The following FN1 variants were observed in gnomAD, a reference collection of about 807,000 sequenced individuals.
FN1 encodes the protein fibronectin 1.
In FN1, 106 loss-of-function variants were observed where a neutral mutation model predicts 297.3. That is an observed-to-expected ratio of 0.36 (90% CI 0.30 to 0.42). FN1 has a LOEUF of 0.42. Among genes scored for constraint, FN1 ranks in the 10% least tolerant of loss-of-function variants. The pLI is 1.00. For synonymous variants in FN1, 1,149 were observed against 1,152.6 expected, an observed-to-expected ratio of 1.00 and a Z score of 0.06; for missense variants, 2,690 against 3,124.9, an observed-to-expected ratio of 0.86 and a Z score of 3.32.
At chr2:215,422,488 C>T (rs968120061) in intron 9 of FN1, among the ~76,000 whole-genome samples, 2 of 152,026 alleles carry the variant, frequency 1.3e-5, no homozygotes, top group African/African-American at 4.8e-5. Context: ...GGATGTTAAA[C>T]TAAGATAATA....
In FN1 at chr2:215,381,095, A is replaced by G. The variant is rs1216575968; in HGVS notation, c.5165-15T>C. On this transcript the variant is annotated splice_polypyrimidine_tract_variant and intron_variant, in intron 32 of 45. Transcript: ENST00000354785. ...GCGATCAATGTCTGTTAGGCAAATT[A>G]ATGGTAAGAGGTTATGTGAAAAGCA... The G allele has an allele frequency of 6.2e-7, 1 of 1,613,716 alleles. No individual in the cohort carries two copies. Among genetic ancestry groups the G allele is most frequent in the African/African-American group, 1.3e-5 (1 of 75,060 alleles).
At chr2:215,378,625 T>C (rs927195202) in intron 34 of FN1, among the ~76,000 whole-genome samples, 1 of 152,216 alleles carries the variant, frequency 6.6e-6, no homozygotes, top group Non-Finnish European at 1.5e-5. Context: ...TTCCATTTTG[T>C]CTCTGAACCC....
At chr2:215,424,036 G>A (rs944648746) in intron 8 of FN1, 110 bp downstream of exon 8, 1 of 1,098,578 alleles carries the variant, frequency 9.1e-7, no homozygotes, top group Admixed American at 1.7e-5. Context: ...CTGAACAAAA[G>A]CGATGCTTCT....
Position 215,409,111 on chromosome 2 carries a change from T to C in FN1, c.2299+452A>G, listed in dbSNP as rs1056669604. On this transcript the variant is annotated intron_variant, in intron 15 of 45. Coordinates refer to ENST00000354785, the MANE Select transcript of FN1 (RefSeq NM_212482.4). ...TTCCTTGATCTGGGTGCTGGTCTTGTGGTGTGTTCACTTTATAAGAATTCA... is the reference window on the plus strand; with the variant it reads ...TTCCTTGATCTGGGTGCTGGTCTTGCGGTGTGTTCACTTTATAAGAATTCA... Among the ~76,000 whole-genome samples, 10 of 152,316 alleles carry C rather than the reference T, an allele frequency of 6.6e-5. No homozygotes were observed. The South Asian group carries it at 1.0e-3, about 16-fold the overall frequency.
chr2:215,381,122 GT>G, intron 32 of FN1, 42 bp from the exon 33 acceptor site: 1 of 1,604,142 alleles, frequency 6.2e-7, no homozygotes, highest in South Asian at 1.1e-5. Context: ...TGAAAAGCAA[GT>G]TGTGAAATAA....
At chr2:215,385,269 A>T (rs1410945497) in intron 28 of FN1, among the ~76,000 whole-genome samples, 9 of 115,884 alleles carry the variant, frequency 7.8e-5, no homozygotes, top group Non-Finnish European at 1.5e-4. Flanking sequence ...AAAAAAAAAA[A>T]AGTGATACAA....
chr2:215,409,945 G>A lies in FN1; in HGVS notation c.2111C>T (p.Thr704Ile), dbSNP rs2106302075. 1.2e-6 allele frequency: 2 copies of A among 1,613,828 alleles called. No homozygotes were observed. Among genetic ancestry groups the A allele is most frequent in the Non-Finnish European group, 1.7e-6 (2 of 1,179,996 alleles). Residue 704 changes from threonine to isoleucine, a missense_variant, in exon 14 of 46, where the codon ACA (threonine) becomes ATA (isoleucine). Transcript: ENST00000354785. Reference protein sequence around the residue: ...RFDFTTTSTSTPVTSNTVTGE... With the variant: ...RFDFTTTSTSIPVTSNTVTGE... ...GGTTGTGTACATACTGGTCACAGGTGTGCTGGTGCTGGTGGTGGTGAAGTC... is the reference window on the plus strand; with the variant it reads ...GGTTGTGTACATACTGGTCACAGGTATGCTGGTGCTGGTGGTGGTGAAGTC...
At chr2:215,419,506 ATGCAGTT>A in intron 11 of FN1, 121 bp from the exon 12 acceptor site, 1 of 841,424 alleles carries the variant, frequency 1.2e-6, no homozygotes, top group Non-Finnish European at 2.0e-6. Flanking sequence ...TTACAAATAT[ATGCAGTT>A]AAAAAAATAT....
chr2:215,381,654 A>C (rs2058230376), intron 32 of FN1: 1 of 205,782 alleles, frequency 4.9e-6, no homozygotes, highest in African/African-American at 2.4e-5. Context: ...TTGTATTTTT[A>C]GTAGAGATGG....
At chr2:215,421,543 AG>A in intron 10 of FN1, among the ~76,000 whole-genome samples, 1 of 152,232 alleles carries the variant, frequency 6.6e-6, no homozygotes. Context: ...TTAATAGCTC[AG>A]GGTTCTCCCG....
At position 215,423,345 on chromosome 2, in the gene FN1, C is replaced by T; in HGVS notation, c.1393+5G>A. ...ACAAGACAACCCACAAGGGCTTCAT[C>T]TTACCAGCCATGGGGCAGAACCCAA... On this transcript the variant is annotated splice_donor_5th_base_variant and intron_variant, in intron 9 of 45. Transcript: ENST00000354785. The T allele has an allele frequency of 6.2e-7, 1 of 1,613,808 alleles. No individual in the cohort carries two copies. The highest frequency in any genetic ancestry group is 8.5e-7 in the Non-Finnish European group (1 of 1,179,946).
At position 215,382,208 on chromosome 2, in the gene FN1, G is replaced by T; in HGVS notation, c.5164+4C>A. The T allele has an allele frequency of 1.9e-6, 3 of 1,595,142 alleles. No individual in the cohort carries two copies. The highest frequency in any genetic ancestry group is 2.6e-6 in the Non-Finnish European group (3 of 1,162,634). Reference sequence around the variant, plus strand: ...AAAATGGAAACCAAGCAGTGGTTACGTACTGGTTACTGCAGTCTGAACCAG... The same window carrying T: ...AAAATGGAAACCAAGCAGTGGTTACTTACTGGTTACTGCAGTCTGAACCAG... On this transcript the variant is annotated splice_donor_region_variant and intron_variant, in intron 32 of 45. Transcript: ENST00000354785.
intron 13 of FN1, among the ~76,000 whole-genome samples, chr2:215,411,123 C>T (rs996230526): frequency 2.6e-5 from 4 of 152,138 alleles, no homozygotes; most frequent in Non-Finnish European, 5.9e-5. Flanking sequence ...GACAAGACTA[C>T]AGAAAAAATG....
At chr2:215,381,487 T>G (rs11687442) in intron 32 of FN1, 93,315 of 303,010 alleles carry the variant, frequency 0.31, 17,297 homozygotes, top group East Asian at 0.8. Context: ...GTTTTGTTTT[T>G]TTTTGAGATG....
intron 3 of FN1, among the ~76,000 whole-genome samples, chr2:215,432,212 C>T (rs367761811): frequency 9.9e-5 from 15 of 152,192 alleles, no homozygotes; most frequent in Admixed American, 6.5e-4. Context: ...ATGAATCCTG[C>T]TTTCCCAGAG....
intron 6 of FN1, among the ~76,000 whole-genome samples, chr2:215,426,309 C>T (rs371545235): frequency 7.2e-5 from 11 of 151,756 alleles, no homozygotes; most frequent in South Asian, 6.3e-4. Context: ...CCACCACGCC[C>T]GGCTAATTTT....
intron 13 of FN1, chr2:215,414,565 C>T: frequency 1.7e-6 from 1 of 594,440 alleles, no homozygotes; most frequent in Non-Finnish European, 2.5e-6. Context: ...TAAGTCCTTG[C>T]AAAAAAGATT....
At position 215,381,069 on chromosome 2, in the gene FN1, G is replaced by T. The variant is rs201001932; in HGVS notation, c.5176C>A (p.Pro1726Thr). The T allele has an allele frequency of 6.8e-6, 11 of 1,614,128 alleles. No homozygotes were observed. The East Asian group carries it at 2.2e-4, about 33-fold the overall frequency. The part of the protein sequence containing the change: ...VQTAVTNIDR[P>T]KGLAFTDVDV... ...ACATCAGTGAATGCCAGTCCTTTAG[G>T]GCGATCAATGTCTGTTAGGCAAATT... Residue 1726 changes from proline to threonine, a missense_variant, in exon 33 of 46, where the codon CCT becomes ACT. Around this residue, in one of 3 missense-constraint regions of FN1, gnomAD observed 1,743 missense variants for 1,945.2 expected, o/e 0.90. Coordinates refer to ENST00000354785, the MANE Select transcript of FN1 (RefSeq NM_212482.4).
In FN1 at chr2:215,424,229, C is replaced by A. The variant is rs1420959864; in HGVS notation, c.1133G>T (p.Gly378Val). The A allele has an allele frequency of 6.2e-7, 1 of 1,614,072 alleles. No individual in the cohort carries two copies. The highest frequency in any genetic ancestry group is 8.5e-7 in the Non-Finnish European group (1 of 1,179,982). The change falls in exon 8 of 46, where the codon GGG becomes GTG. Residue 378 changes from glycine to valine, a missense_variant. This residue lies in a region of FN1 where 876 missense variants were observed against 1,058.1 expected (regional missense o/e 0.83). Coordinates refer to ENST00000354785, the MANE Select transcript of FN1 (RefSeq NM_212482.4). ...GCACCAAAGATGTCCGTCCTGTCGC[C>A]CTTCTGTGGTGCAGGAGTAGAACGT... ...GRTFYSCTTEGRQDGHLWCST... is the reference protein window; with the variant it reads ...GRTFYSCTTEVRQDGHLWCST...
Sources: allele counts gnomAD v4.1 joint callset (sites outside exome capture counted in the v4.1 genomes callset), GRCh38; gene constraint gnomAD v4.1.1; regional missense constraint gnomAD v4.1.1; transcripts MANE v1.5; gene names NCBI Gene and HGNC (gene_info 2026-07-23, HGNC 2026-07-21).